The following ZFPM2 variants were observed in gnomAD, a reference collection of about 807,000 sequenced individuals.
The protein encoded by ZFPM2 is zinc finger protein ZFPM2.
ZFPM2 carries 20 observed loss-of-function variants against 98.6 expected under a neutral mutation model. That is an observed-to-expected ratio of 0.20 (90% CI 0.14 to 0.29). The LOEUF is 0.29. Ranked by LOEUF, ZFPM2 falls within the 10% of genes least tolerant of loss-of-function variation. The pLI, the probability that ZFPM2 is intolerant of heterozygous loss-of-function variation, is 1.00. For synonymous variants in ZFPM2, 518 were observed against 502.7 expected, an observed-to-expected ratio of 1.03 and a Z score of -0.41; for missense variants, 1,310 against 1,388.6, an observed-to-expected ratio of 0.94 and a Z score of 0.90.
chr8:105,381,685 A>G (rs1398276413), intron 1 of ZFPM2, among the ~76,000 whole-genome samples: 1 of 152,192 alleles, frequency 6.6e-6, no homozygotes, highest in Non-Finnish European at 1.5e-5. Flanking sequence ...CTTAAAGACT[A>G]TCAAGTGTGC....
rs905915673 is a variant in ZFPM2 at position 105,673,064 on chromosome 8, C to T, written c.532+38707C>T. Among the ~76,000 whole-genome samples the T allele has an allele frequency of 6.6e-5, 10 of 151,844 alleles. No individual in the cohort carries two copies. In the South Asian group the frequency reaches 1.7e-3, roughly 25 times the overall value. ...TTTATTATTTATTTTATTCTAGCTA[C>T]GATTTCACAGAACAACTAAGGGAGA... On this transcript the variant is annotated intron_variant, in intron 5 of 7. Transcript: ENST00000407775.
rs1346893995 is a variant in ZFPM2 at position 105,802,302 on chromosome 8, G to C, written c.2220G>C (p.Lys740Asn). The C allele has an allele frequency of 1.2e-6, 2 of 1,613,778 alleles. No individual in the cohort carries two copies. Among genetic ancestry groups the C allele is most frequent in the South Asian group, 2.2e-5 (2 of 91,056 alleles). The change falls in exon 8 of 8, where the codon AAG becomes AAC. Residue 740 changes from lysine (K) to asparagine (N), a missense_variant. Lys to Asn is a moderately conservative substitution (Grantham distance 94, BLOSUM62 0). Coordinates refer to ENST00000407775, the MANE Select transcript of ZFPM2 (RefSeq NM_012082.4). ...CCATGCGCACACGCAAGCGCAGAAA[G>C]ATGTATGAGATGTGCCTACCTGAGC... ...QRTMRTRKRR[K>N]MYEMCLPEQE...
intron 3 of ZFPM2, among the ~76,000 whole-genome samples, chr8:105,458,416 G>T (rs1321144253): frequency 6.6e-6 from 1 of 151,252 alleles, no homozygotes; most frequent in Non-Finnish European, 1.5e-5. Context: ...CCGATGGAAT[G>T]AAATTTAAAA....
At chr8:105,575,453 A>G (rs1187262248) in intron 4 of ZFPM2, among the ~76,000 whole-genome samples, 1 of 152,080 alleles carries the variant, frequency 6.6e-6, no homozygotes, top group East Asian at 1.9e-4. Flanking sequence ...GTGGGAGTGG[A>G]GTGTGCTGTT....
chr8:105,571,644 A>G (rs1470684), intron 4 of ZFPM2, among the ~76,000 whole-genome samples: 91,922 of 152,124 alleles, frequency 0.6, 28,051 homozygotes, highest in African/African-American at 0.72. Flanking sequence ...TTGTGCCAGC[A>G]TTATGAGGAC....
chr8:105,491,727 G>GTT (rs1387951499), intron 3 of ZFPM2, among the ~76,000 whole-genome samples: 1 of 152,046 alleles, frequency 6.6e-6, no homozygotes, highest in African/African-American at 2.4e-5. Context: ...AAGATTTTCT[G>GTT]TTTTTTTCCC....
At position 105,319,070 on chromosome 8, in the gene ZFPM2, G is replaced by T. The variant is rs551072147; in HGVS notation, c.40+89G>T. ...GGGAAAGCGGTGGGTGGGTGGCGGG[G>T]CTAGGGGAGATCCGCTCCCGGTCCC... On this transcript the variant is annotated intron_variant, in intron 1 of 7. Coordinates refer to ENST00000407775, the MANE Select transcript of ZFPM2 (RefSeq NM_012082.4). 93 of 1,394,848 alleles carry T rather than the reference G, an allele frequency of 6.7e-5. No individual in the cohort carries two copies. The African/African-American group carries it at 1.3e-3, about 19-fold the overall frequency. The allele number at this position is 1,394,848 out of a possible 1,614,324, so 86.4% of individuals were successfully genotyped here.
At chr8:105,776,243 C>T (rs1563558614) in intron 5 of ZFPM2, among the ~76,000 whole-genome samples, 2 of 152,092 alleles carry the variant, frequency 1.3e-5, no homozygotes, top group African/African-American at 2.4e-5. Context: ...CTTTCCTTTT[C>T]TGTGAAATGG....
At chr8:105,430,128 AC>A (rs999988597) in intron 2 of ZFPM2, among the ~76,000 whole-genome samples, 5 of 152,146 alleles carry the variant, frequency 3.3e-5, no homozygotes, top group Non-Finnish European at 7.4e-5. Flanking sequence ...GATAGTTCTG[AC>A]CTTTACTGTG....
intron 1 of ZFPM2, among the ~76,000 whole-genome samples, chr8:105,336,804 T>C (rs1812335798): frequency 6.6e-6 from 1 of 151,580 alleles, no homozygotes; most frequent in Non-Finnish European, 1.5e-5. Flanking sequence ...TGTATAGATA[T>C]AGATATCTAT....
chr8:105,414,482 T>C (rs1811639527), intron 1 of ZFPM2, among the ~76,000 whole-genome samples: 2 of 152,070 alleles, frequency 1.3e-5, no homozygotes, highest in African/African-American at 2.4e-5. Flanking sequence ...GAAAGACATA[T>C]GTATTTGACT....
intron 1 of ZFPM2, among the ~76,000 whole-genome samples, chr8:105,408,053 T>A (rs1241553905): frequency 1.3e-5 from 2 of 151,842 alleles, no homozygotes; most frequent in African/African-American, 4.8e-5. Flanking sequence ...TTGCTTTTAT[T>A]CTATTGTAGG....
chr8:105,467,246 T>C (rs181792660), intron 3 of ZFPM2, among the ~76,000 whole-genome samples: 204 of 152,170 alleles, frequency 1.3e-3, no homozygotes, highest in Non-Finnish European at 2.2e-3. Flanking sequence ...TAAAGTGAAA[T>C]TTAGGAATAT....
chr8:105,391,660 C>A (rs1047587173), intron 1 of ZFPM2, among the ~76,000 whole-genome samples: 9 of 152,228 alleles, frequency 5.9e-5, no homozygotes, highest in African/African-American at 2.2e-4. Context: ...CTATCTCTAG[C>A]AACTACTTTT....
At chr8:105,799,829 G>A (rs1813948476) in intron 7 of ZFPM2, among the ~76,000 whole-genome samples, 1 of 152,134 alleles carries the variant, frequency 6.6e-6, no homozygotes, top group Admixed American at 6.5e-5. Flanking sequence ...TCTTTGCCTA[G>A]ATTAAATAAT....
At chr8:105,366,864 C>A (rs1218233915) in intron 1 of ZFPM2, among the ~76,000 whole-genome samples, 1 of 150,766 alleles carries the variant, frequency 6.6e-6, no homozygotes. Flanking sequence ...TTAGGTCTAA[C>A]ATTTAAATCT....
At chr8:105,561,848 TAAAC>T (rs1815144449) in intron 4 of ZFPM2, among the ~76,000 whole-genome samples, 1 of 152,146 alleles carries the variant, frequency 6.6e-6, no homozygotes, top group Admixed American at 6.6e-5. Context: ...GAACAAGAAA[TAAAC>T]AACTTTGTTT....
At chr8:105,472,934 C>T (rs1812937017) in intron 3 of ZFPM2, among the ~76,000 whole-genome samples, 1 of 146,296 alleles carries the variant, frequency 6.8e-6, no homozygotes, top group Non-Finnish European at 1.5e-5. Context: ...CTTACTCTAT[C>T]CCTCAGGATG....
At chr8:105,409,423 G>A (rs1285570361) in intron 1 of ZFPM2, among the ~76,000 whole-genome samples, 1 of 151,872 alleles carries the variant, frequency 6.6e-6, no homozygotes, top group Middle Eastern at 3.2e-3. Flanking sequence ...TCATCTGAAA[G>A]AATGTTGTTA....
Sources: gnomAD v4.1 joint callset for allele counts (sites outside exome capture counted in the v4.1 genomes callset) on GRCh38, gnomAD v4.1.1 for gene constraint, MANE v1.5 for transcripts, NCBI Gene and HGNC (gene_info 2026-07-23, HGNC 2026-07-21) for gene names.